The following MARCHF1 variants were observed in gnomAD, a reference collection of about 807,000 sequenced individuals.
MARCHF1 encodes membrane associated ring-CH-type finger 1.
Under a neutral mutation model 54.2 loss-of-function variants are expected in MARCHF1, and 40 were observed. The ratio of observed to expected loss-of-function variants is 0.74; its 90% CI spans 0.57 to 0.96. MARCHF1 has a LOEUF of 0.96. Ranked by LOEUF, MARCHF1 falls within the 40% of genes least tolerant of loss-of-function variation. MARCHF1 has a pLI of 0.00. For synonymous variants in MARCHF1, 236 were observed against 236.3 expected, an observed-to-expected ratio of 1.00 and a Z score of 0.01; for missense variants, 586 against 656.5, an observed-to-expected ratio of 0.89 and a Z score of 1.17.
rs545936461 is a variant in MARCHF1 at position 164,372,895 on chromosome 4, G to C, written c.-323+10975C>G. Among the ~76,000 whole-genome samples, 3 of 152,040 alleles carry C rather than the reference G, an allele frequency of 2.0e-5. No individual in the cohort carries two copies. The South Asian group carries it at 6.2e-4, about 32-fold the overall frequency. ...ATTCATTTATTTATTTATTCAGTTG[G>C]TAGTAGTGATAGTGGTGGCCACCTT... is the stretch of plus-strand genomic sequence containing the variant. On this transcript the variant is annotated intron_variant, in intron 1 of 9. Coordinates refer to ENST00000514618, the MANE Select transcript of MARCHF1 (RefSeq NM_001394959.1).
At chr4:163,861,011 G>T (rs1280077043) in intron 3 of MARCHF1, among the ~76,000 whole-genome samples, 1 of 152,128 alleles carries the variant, frequency 6.6e-6, no homozygotes, top group Admixed American at 6.6e-5. Flanking sequence ...ACAGATAATA[G>T]GTCAAGGAAT....
intron 4 of MARCHF1, among the ~76,000 whole-genome samples, chr4:163,836,196 T>C (rs1749176289): frequency 6.6e-6 from 1 of 151,734 alleles, no homozygotes; most frequent in South Asian, 2.1e-4. Context: ...TTCAGATCCT[T>C]ACCTACATGG....
At chr4:163,614,909 T>C (rs1377513654) in intron 5 of MARCHF1, among the ~76,000 whole-genome samples, 1 of 152,014 alleles carries the variant, frequency 6.6e-6, no homozygotes, top group East Asian at 1.9e-4. Context: ...ACTACACTGA[T>C]GGCTTTCAAG....
rs1745385042 is a variant in MARCHF1 at position 163,719,787 on chromosome 4, A to G, written c.112-18924T>C. Among the ~76,000 whole-genome samples, 4 of 152,116 alleles carry G rather than the reference A, an allele frequency of 2.6e-5. No homozygotes were observed. In the South Asian group the frequency reaches 6.2e-4, roughly 24 times the overall value. On this transcript the variant is annotated intron_variant, in intron 4 of 9. Coordinates refer to ENST00000514618, the MANE Select transcript of MARCHF1 (RefSeq NM_001394959.1). ...TACATTTCTCTGATGGCCAGTGATG[A>G]TGAGCATTTTTTCATGTGTCTTTTG...
chr4:164,357,769 A>T (rs1323120739), intron 1 of MARCHF1, among the ~76,000 whole-genome samples: 3 of 152,192 alleles, frequency 2.0e-5, no homozygotes, highest in Non-Finnish European at 4.4e-5. Flanking sequence ...GATAACAACT[A>T]AAACAGCTTC....
At chr4:163,840,819 A>G (rs1494295) in intron 4 of MARCHF1, among the ~76,000 whole-genome samples, 11,716 of 152,178 alleles carry the variant, frequency 0.077, 518 homozygotes, top group African/African-American at 0.12. Context: ...TATGTTAAGT[A>G]ATGAATATGT....
At chr4:164,069,247 C>T (rs1018201961) in intron 2 of MARCHF1, among the ~76,000 whole-genome samples, 85 of 152,312 alleles carry the variant, frequency 5.6e-4, no homozygotes, top group Non-Finnish European at 1.0e-3. Flanking sequence ...GTAAAACAGA[C>T]CAATCGGCTC....
intron 1 of MARCHF1, among the ~76,000 whole-genome samples, chr4:164,114,009 C>T (rs1017360400): frequency 3.3e-5 from 5 of 151,690 alleles, no homozygotes; most frequent in African/African-American, 1.2e-4. Flanking sequence ...ATAATAGGGT[C>T]AAAAAACATC....
intron 8 of MARCHF1, among the ~76,000 whole-genome samples, chr4:163,550,346 C>G (rs939311851): frequency 1.3e-5 from 2 of 151,754 alleles, no homozygotes; most frequent in African/African-American, 4.8e-5. Context: ...ACTACTTTGC[C>G]AAATCCATTA....
intron 4 of MARCHF1, among the ~76,000 whole-genome samples, chr4:163,716,914 A>T (rs936838051): frequency 6.6e-6 from 1 of 152,186 alleles, no homozygotes; most frequent in Non-Finnish European, 1.5e-5. Context: ...TTAATAATAC[A>T]TATTAATTTT....
intron 1 of MARCHF1, among the ~76,000 whole-genome samples, chr4:164,230,653 G>A (rs986083674): frequency 4.0e-5 from 6 of 151,780 alleles, no homozygotes; most frequent in Admixed American, 3.3e-4. Flanking sequence ...TAAGCCTCTG[G>A]TAATCACCAT....
rs571176858 is a variant in MARCHF1 at position 164,142,481 on chromosome 4, C to A, written c.-322-30819G>T. 4.6e-3 allele frequency among the ~76,000 whole-genome samples: 693 copies of A among 152,236 alleles called. 6 individuals are homozygous for A. The highest frequency in any genetic ancestry group is 0.015 in the African/African-American group (637 of 41,530). On this transcript the variant is annotated intron_variant, in intron 1 of 9. Transcript: ENST00000514618. ...AGCACGCAGCTGGAGATCTGAGAAC[C>A]AGCAGACAGCCTCCTCAAGTGGGTC...
chr4:163,579,592 G>T (rs1204156301), intron 8 of MARCHF1, among the ~76,000 whole-genome samples: 1 of 152,184 alleles, frequency 6.6e-6, no homozygotes, highest in African/African-American at 2.4e-5. Context: ...CTCATTTGAA[G>T]AATTTAAGTT....
chr4:163,726,656 T>C (rs140718598), intron 4 of MARCHF1, among the ~76,000 whole-genome samples: 22 of 152,324 alleles, frequency 1.4e-4, no homozygotes, highest in Admixed American at 3.3e-4. Context: ...TATAAGAGTA[T>C]GTTTAGTTCA....
chr4:164,050,376 T>C (rs1754338849), intron 2 of MARCHF1, among the ~76,000 whole-genome samples: 1 of 146,784 alleles, frequency 6.8e-6, no homozygotes, highest in Non-Finnish European at 1.5e-5. Flanking sequence ...ATTTCTTCAA[T>C]AGCACATATC....
chr4:163,793,903 T>G (rs931042026), intron 4 of MARCHF1, among the ~76,000 whole-genome samples: 5 of 152,120 alleles, frequency 3.3e-5, no homozygotes, highest in Non-Finnish European at 7.3e-5. Context: ...GGGAGCTTGG[T>G]TGTTGGAGAC....
chr4:164,360,593 G>T (rs778590662), intron 1 of MARCHF1, among the ~76,000 whole-genome samples: 3 of 152,118 alleles, frequency 2.0e-5, no homozygotes, highest in Admixed American at 2.0e-4. Flanking sequence ...TTTAAGTGTC[G>T]ATTTTTCAGC....
Position 164,185,809 on chromosome 4 carries a change from C to A in MARCHF1, c.-322-74147G>T, listed in dbSNP as rs553518519. ...CTAGTCACACACACACACACACACA[C>A]AAAAAAAAAAACATTTCAAGACAAT... On this transcript the variant is annotated intron_variant, in intron 1 of 9. Transcript: ENST00000514618. 1.6e-3 allele frequency among the ~76,000 whole-genome samples: 241 copies of A among 149,606 alleles called. 2 individuals are homozygous for A. The highest frequency in any genetic ancestry group is 0.011 in the East Asian group (58 of 5,064).
At chr4:164,352,870 TCA>T (rs957458777) in intron 1 of MARCHF1, among the ~76,000 whole-genome samples, 1 of 89,058 alleles carries the variant, frequency 1.1e-5, no homozygotes, top group Non-Finnish European at 2.6e-5. Flanking sequence ...GAAACCCATC[TCA>T]CGTGCAGAGA....
Sources: allele counts gnomAD v4.1 joint callset (sites outside exome capture counted in the v4.1 genomes callset), GRCh38; gene constraint gnomAD v4.1.1; transcripts MANE v1.5; gene names NCBI Gene and HGNC (gene_info 2026-07-23, HGNC 2026-07-21).